The following DNTTIP1 variants were observed in gnomAD, a reference collection of about 807,000 sequenced individuals.
DNTTIP1 encodes deoxynucleotidyltransferase terminal-interacting protein 1.
A neutral mutation model predicts 52.9 loss-of-function variants in DNTTIP1; 22 were observed. That is an observed-to-expected ratio of 0.42 (90% confidence interval 0.30 to 0.59). The LOEUF (loss-of-function observed/expected upper bound fraction) is 0.59, where lower values mean the gene tolerates loss of function less well. DNTTIP1 is among the 20% of genes least tolerant of loss of function. DNTTIP1 has a pLI of 0.22. For synonymous variants in DNTTIP1, 136 were observed against 155.1 expected, an observed-to-expected ratio of 0.88 and a Z score of 0.92; for missense variants, 286 against 435.5, an observed-to-expected ratio of 0.66 and a Z score of 3.06.
intron 10 of DNTTIP1, among the ~76,000 whole-genome samples, chr20:45,807,395 A>T (rs192667166): frequency 6.6e-6 from 1 of 152,226 alleles, no homozygotes; most frequent in Admixed American, 6.5e-5. Flanking sequence ...TGCTGGAATT[A>T]TAGACTTGAG....
chr20:45,798,036 T>G (rs1166376044), intron 4 of DNTTIP1, among the ~76,000 whole-genome samples: 1 of 152,182 alleles, frequency 6.6e-6, no homozygotes, highest in African/African-American at 2.4e-5. Flanking sequence ...TGCACACATA[T>G]GTTTATTGTG....
At chr20:45,802,162 T>G in intron 7 of DNTTIP1, 105 bp downstream of exon 7, 1 of 1,232,314 alleles carries the variant, frequency 8.1e-7, no homozygotes, top group South Asian at 1.2e-5. Flanking sequence ...ATCAGATCCA[T>G]CAGCTTAAGT....
At chr20:45,794,405 C>T (rs1422864523) in intron 3 of DNTTIP1, among the ~76,000 whole-genome samples, 2 of 151,992 alleles carry the variant, frequency 1.3e-5, no homozygotes, top group Non-Finnish European at 2.9e-5. Context: ...CCTTGGCCTC[C>T]CAAAGTGCTG....
In DNTTIP1 at chr20:45,801,432, C is replaced by T; in HGVS notation, c.472C>T (p.His158Tyr). 2 of 1,614,134 alleles carry T rather than the reference C, an allele frequency of 1.2e-6. No individual in the cohort carries two copies. The highest frequency in any genetic ancestry group is 1.7e-6 in the Non-Finnish European group (2 of 1,180,018). The change falls in exon 6 of 13, where the codon CAT becomes TAT. Residue 158 changes from histidine to tyrosine, a missense_variant. His to Tyr is a moderately conservative substitution (Grantham distance 83). Transcript: ENST00000372622. Reference protein sequence around the residue: ...RGRQAEEECAHRGSPLPKKRK... With the variant: ...RGRQAEEECAYRGSPLPKKRK... ...CCGTCAGGCAGAAGAAGAATGTGCC[C>T]ATCGAGGAAGCCCCCTTCCTAAAAA...
In DNTTIP1 at chr20:45,801,992, G is replaced by A. The variant is rs766970182; in HGVS notation, c.499-7G>A. 3.7e-6 allele frequency: 6 copies of A among 1,614,182 alleles called. No homozygotes were observed. The East Asian group carries it at 1.3e-4, about 36-fold the overall frequency. On this transcript the variant is annotated splice_region_variant and splice_polypyrimidine_tract_variant and intron_variant, in intron 6 of 12. Transcript: ENST00000372622. ...GTCAGACCTCTGACAGCTGTTTTTT[G>A]TGGCAGAGGAAAGGACGGCCTCCTG...
At chr20:45,802,250 C>T (rs1011700853) in intron 7 of DNTTIP1, among the ~76,000 whole-genome samples, 193 bp downstream of exon 7, 1 of 152,128 alleles carries the variant, frequency 6.6e-6, no homozygotes, top group African/African-American at 2.4e-5. Flanking sequence ...ACCCCCTGAA[C>T]GGTTTGGCCC....
Position 45,800,732 on chromosome 20 carries a change from T to C in DNTTIP1, c.373-342T>C, listed in dbSNP as rs1197083607. 1.4e-4 allele frequency among the ~76,000 whole-genome samples: 9 copies of C among 62,908 alleles called. 2 individuals are homozygous for C. Among genetic ancestry groups the C allele is most frequent in the Non-Finnish European group, 1.7e-4 (6 of 35,166 alleles). 41.3% of individuals were successfully genotyped at this position (62,908 alleles called of 152,430 possible). ...ATATATATATATATATATATATATA[T>C]ATATATATATATATATATATATATT... On this transcript the variant is annotated intron_variant, in intron 4 of 12. Coordinates refer to ENST00000372622, the MANE Select transcript of DNTTIP1 (RefSeq NM_052951.3).
chr20:45,801,163 G>T (rs758904947), intron 5 of DNTTIP1, 21 bp downstream of exon 5: 2 of 1,611,854 alleles, frequency 1.2e-6, no homozygotes, highest in South Asian at 2.2e-5. Flanking sequence ...CTGTGTTCTC[G>T]GGTATTGGAG....
rs1468713227 is a variant in DNTTIP1, at chr20:45,792,118, GC to G, written c.105+14del. On this transcript the variant is annotated intron_variant, in intron 1 of 12. Transcript: ENST00000372622. ...GGCAGCTGGTTCTTACGGTGAGGGC[GC>G]CCCCGGTGAGGTCTGGGCTCAGGCC... 1.6e-6 allele frequency: 2 copies of G among 1,268,164 alleles called. No homozygotes were observed. Among genetic ancestry groups the G allele is most frequent in the Non-Finnish European group, 2.0e-6 (2 of 1,001,862 alleles). The allele number at this position is 1,268,164 out of a possible 1,614,324, so 78.6% of individuals were successfully genotyped here.
intron 10 of DNTTIP1, 108 bp downstream of exon 10, chr20:45,805,474 C>G: frequency 8.0e-7 from 1 of 1,256,576 alleles, no homozygotes; most frequent in Non-Finnish European, 1.1e-6. Flanking sequence ...GTCAGGACAT[C>G]TGGGTTCTAG....
intron 4 of DNTTIP1, among the ~76,000 whole-genome samples, chr20:45,800,689 AAAAAAATATATATATATATATAT>A (rs1981406805): frequency 6.2e-5 from 4 of 64,984 alleles, no homozygotes; most frequent in African/African-American, 2.5e-4. Flanking sequence ...TAAAAAAAAA[AAAAAAATATATATATATATATAT>A]ATATATATAT....
chr20:45,797,803 A>G (rs1044005401), intron 4 of DNTTIP1, among the ~76,000 whole-genome samples: 1 of 152,256 alleles, frequency 6.6e-6, no homozygotes, highest in African/African-American at 2.4e-5. Context: ...CACCAGTTAG[A>G]ATGGTGATCA....
At chr20:45,803,141 G>C in intron 7 of DNTTIP1, 192 bp from the exon 8 acceptor site, 1 of 577,286 alleles carries the variant, frequency 1.7e-6, no homozygotes, top group Non-Finnish European at 3.1e-6. Context: ...TGTAAGAGCA[G>C]AGCTAGTGCT....
chr20:45,806,433 C>T (rs1295098969), intron 10 of DNTTIP1, among the ~76,000 whole-genome samples: 21 of 151,924 alleles, frequency 1.4e-4, no homozygotes, highest in Admixed American at 1.4e-3. Context: ...CTGAGAGCAG[C>T]TATGTTTTGG....
intron 10 of DNTTIP1, among the ~76,000 whole-genome samples, chr20:45,808,236 T>C (rs7260934): frequency 0.044 from 6,743 of 152,094 alleles, 150 homozygotes; most frequent in Middle Eastern, 0.099. Flanking sequence ...ATCCCAGCTA[T>C]TCAAGGCTGA....
chr20:45,792,441 G>A, intron 1 of DNTTIP1: 4 of 500,560 alleles, frequency 8.0e-6, no homozygotes, highest in Admixed American at 3.8e-5. Flanking sequence ...GGTAAATACT[G>A]CTTCCCTTCC....
rs1163539815 is a variant in DNTTIP1 at position 45,800,680 on chromosome 20, A to T, written c.373-394A>T. ...CAAGAGTGAAACTCCATCTCAATTTAAAAAAAAAAAAAAAATATATATATA... is the reference window on the plus strand; with the variant it reads ...CAAGAGTGAAACTCCATCTCAATTTTAAAAAAAAAAAAAAATATATATATA... On this transcript the variant is annotated intron_variant, in intron 4 of 12. Coordinates refer to ENST00000372622, the MANE Select transcript of DNTTIP1 (RefSeq NM_052951.3). Among the ~76,000 whole-genome samples, 16 of 10,528 alleles carry T rather than the reference A, an allele frequency of 1.5e-3. No individual in the cohort carries two copies. In the Admixed American group the frequency reaches 0.018, roughly 12 times the overall value. 6.9% of individuals were successfully genotyped at this position (10,528 alleles called of 152,430 possible).
At chr20:45,801,328 G>T in intron 5 of DNTTIP1, 74 bp from the exon 6 acceptor site, 2 of 1,559,874 alleles carry the variant, frequency 1.3e-6, no homozygotes, top group South Asian at 2.2e-5. Context: ...GTCCAGGGCT[G>T]TCTTCTGCAA....
At chr20:45,796,833 T>C (rs1446045622) in intron 4 of DNTTIP1, among the ~76,000 whole-genome samples, 1 of 152,204 alleles carries the variant, frequency 6.6e-6, no homozygotes, top group Non-Finnish European at 1.5e-5. Context: ...CTTACTCAGC[T>C]TCTCAGTGAC....
Sources: gnomAD v4.1 joint callset for allele counts (sites outside exome capture counted in the v4.1 genomes callset) on GRCh38, gnomAD v4.1.1 for gene constraint, MANE v1.5 for transcripts, NCBI Gene and HGNC (gene_info 2026-07-23, HGNC 2026-07-21) for gene names.